The following SRGAP3 variants were observed in gnomAD, a reference collection of about 807,000 sequenced individuals.
The protein encoded by SRGAP3 is SLIT-ROBO Rho GTPase-activating protein 3.
A neutral mutation model predicts 121.1 loss-of-function variants in SRGAP3; 39 were observed. The ratio of observed to expected loss-of-function variants is 0.32; its 90% CI spans 0.25 to 0.42. SRGAP3 has a LOEUF of 0.42. Ranked by LOEUF, SRGAP3 falls within the 10% of genes least tolerant of loss-of-function variation. The pLI, the probability that SRGAP3 is intolerant of heterozygous loss-of-function variation, is 1.00. For synonymous variants in SRGAP3, 601 were observed against 570.0 expected, an observed-to-expected ratio of 1.05 and a Z score of -0.77; for missense variants, 1,213 against 1,470.6, an observed-to-expected ratio of 0.82 and a Z score of 2.86.
At chr3:9,272,092 C>T (rs887490705) in intron 3 of SRGAP3, among the ~76,000 whole-genome samples, 1 of 152,228 alleles carries the variant, frequency 6.6e-6, no homozygotes, top group African/African-American at 2.4e-5. Context: ...TCCACTACAA[C>T]CTGCCTTTAC....
intron 3 of SRGAP3, among the ~76,000 whole-genome samples, chr3:9,308,462 A>G (rs1955193214): frequency 6.6e-6 from 1 of 152,232 alleles, no homozygotes; most frequent in African/African-American, 2.4e-5. Context: ...ACTGCAGTTC[A>G]GAGAAGAGGG....
chr3:9,014,115 G>C (rs1380776433), intron 15 of SRGAP3: 2 of 494,740 alleles, frequency 4.0e-6, no homozygotes, highest in Non-Finnish European at 7.4e-6. Flanking sequence ...TGCCCTCTTG[G>C]ACCTGGGTAG....
chr3:9,093,590 C>T (rs1399214505), intron 3 of SRGAP3, among the ~76,000 whole-genome samples: 1 of 152,128 alleles, frequency 6.6e-6, no homozygotes, highest in East Asian at 1.9e-4. Flanking sequence ...TCCATCAACC[C>T]ACTCATCCAT....
intron 18 of SRGAP3, among the ~76,000 whole-genome samples, chr3:9,003,498 A>ACAAACAAG (rs1437358814): frequency 6.6e-6 from 1 of 151,754 alleles, no homozygotes; most frequent in Non-Finnish European, 1.5e-5. Flanking sequence ...AAACAAACAA[A>ACAAACAAG]CAAACAAAAA....
At chr3:9,204,960 T>C (rs55764079) in intron 1 of SRGAP3, among the ~76,000 whole-genome samples, 1,593 of 152,356 alleles carry the variant, frequency 0.01, 22 homozygotes, top group Middle Eastern at 0.014. Context: ...TCTTGGCTTG[T>C]TTAAGCTTCC....
rs1038482508 is a variant in SRGAP3 at position 8,985,499 on chromosome 3, G to A, written c.*20C>T. The A allele has an allele frequency of 9.4e-6, 15 of 1,598,032 alleles. No individual in the cohort carries two copies. Among genetic ancestry groups the A allele is most frequent in the South Asian group, 2.2e-5 (2 of 90,956 alleles). Reference sequence around the variant, plus strand: ...GTGGTGAGCCACAGCGGGCCACGGCGGCGCGGCCCATCCTGCAGGTCACAT... The same window carrying A: ...GTGGTGAGCCACAGCGGGCCACGGCAGCGCGGCCCATCCTGCAGGTCACAT... On this transcript the variant is annotated 3_prime_UTR_variant, in exon 22 of 22. Transcript: ENST00000383836. The surrounding 1 kb of genome is among the most constrained non-coding windows in gnomAD (Gnocchi z 5.1).
At chr3:9,328,312 G>A (rs1955551091) in intron 2 of SRGAP3, among the ~76,000 whole-genome samples, 1 of 152,156 alleles carries the variant, frequency 6.6e-6, no homozygotes, top group African/African-American at 2.4e-5. Flanking sequence ...GATTACTACA[G>A]TAGTTGTACG....
intron 1 of SRGAP3, among the ~76,000 whole-genome samples, chr3:9,225,401 C>T (rs1052568611): frequency 1.3e-5 from 2 of 152,180 alleles, no homozygotes; most frequent in African/African-American, 4.8e-5. Flanking sequence ...TCCTGAACAG[C>T]TCCAGAACAG....
chr3:9,151,630 A>C (rs1298233449), intron 1 of SRGAP3, among the ~76,000 whole-genome samples: 1 of 152,248 alleles, frequency 6.6e-6, no homozygotes, highest in Non-Finnish European at 1.5e-5. Context: ...CAACTGGATA[A>C]CTGGCTGGAT....
At position 9,102,446 on chromosome 3, in the gene SRGAP3, C is replaced by G. The variant is rs148115090; in HGVS notation, c.423+2234G>C. Reference sequence around the variant, plus strand: ...GGGTTCTCCTTGCAGCCTCCCAACGCTTTACTTCCTCACCTGTAAAATGAG... The same window carrying G: ...GGGTTCTCCTTGCAGCCTCCCAACGGTTTACTTCCTCACCTGTAAAATGAG... On this transcript the variant is annotated intron_variant, in intron 3 of 21. Coordinates refer to ENST00000383836, the MANE Select transcript of SRGAP3 (RefSeq NM_014850.4). Among the ~76,000 whole-genome samples the G allele has an allele frequency of 3.2e-3, 493 of 152,342 alleles. 3 individuals are homozygous for G. Among genetic ancestry groups the G allele is most frequent in the Non-Finnish European group, 6.0e-3 (406 of 68,038 alleles).
chr3:9,263,648 T>C (rs1049108330), intron 3 of SRGAP3, among the ~76,000 whole-genome samples: 3 of 152,088 alleles, frequency 2.0e-5, no homozygotes, highest in African/African-American at 7.2e-5. Context: ...CCTGGACACA[T>C]ACACCCTCCC....
chr3:9,046,839 T>TTC (rs1945303728), intron 10 of SRGAP3, among the ~76,000 whole-genome samples: 2 of 151,612 alleles, frequency 1.3e-5, no homozygotes, highest in Admixed American at 6.6e-5. Flanking sequence ...TTCTTTTCTT[T>TTC]TTTTTTTTGG....
In SRGAP3 at chr3:9,080,711, G is replaced by A. The variant is rs117530824; in HGVS notation, c.424-624C>T. On this transcript the variant is annotated intron_variant, in intron 3 of 21. Coordinates refer to ENST00000383836, the MANE Select transcript of SRGAP3 (RefSeq NM_014850.4). ...TCTGAGCTCCTGTCAGATCAGTGGT[G>A]GCATTAGATTCTCATACGTCCTCGA... Among the ~76,000 whole-genome samples the A allele has an allele frequency of 1.7e-3, 255 of 152,162 alleles. 4 individuals carry two copies. In the East Asian group the frequency reaches 0.041, roughly 25 times the overall value.
intron 18 of SRGAP3, among the ~76,000 whole-genome samples, chr3:9,008,881 T>C (rs920856991): frequency 6.6e-6 from 1 of 152,102 alleles, no homozygotes; most frequent in African/African-American, 2.4e-5. Context: ...CTTGGAACCA[T>C]TATAGAAAGG....
At chr3:9,302,369 C>G (rs987297799) in intron 3 of SRGAP3, among the ~76,000 whole-genome samples, 9 of 152,304 alleles carry the variant, frequency 5.9e-5, no homozygotes, top group African/African-American at 1.7e-4. Flanking sequence ...CCCAAACACT[C>G]GCTCTACTCC....
intron 1 of SRGAP3, among the ~76,000 whole-genome samples, chr3:9,336,070 C>T (rs549880949): frequency 6.6e-6 from 1 of 152,168 alleles, no homozygotes; most frequent in African/African-American, 2.4e-5. Context: ...TCATTTGTAA[C>T]GGAGGCTTCC....
At chr3:9,301,298 C>A (rs948464605) in intron 3 of SRGAP3, among the ~76,000 whole-genome samples, 1 of 152,210 alleles carries the variant, frequency 6.6e-6, no homozygotes, top group African/African-American at 2.4e-5. Context: ...TGCATTACAT[C>A]CGGGATGGCC....
At chr3:9,346,227 T>C (rs1015511094) in intron 1 of SRGAP3, among the ~76,000 whole-genome samples, 4 of 151,964 alleles carry the variant, frequency 2.6e-5, no homozygotes, top group Non-Finnish European at 4.4e-5. Flanking sequence ...ATGTTGTTTT[T>C]CTATCTTTAA....
intron 1 of SRGAP3, among the ~76,000 whole-genome samples, chr3:9,245,020 G>C (rs929016783): frequency 6.6e-6 from 1 of 152,210 alleles, no homozygotes; most frequent in Non-Finnish European, 1.5e-5. Context: ...GGAGGTGATA[G>C]TTGTTTTCTG....
Sources: gnomAD v4.1 joint callset for allele counts (sites outside exome capture counted in the v4.1 genomes callset) on GRCh38, gnomAD v4.1.1 for gene constraint, Gnocchi (gnomAD v3.1) non-coding constraint, MANE v1.5 for transcripts, NCBI Gene and HGNC (gene_info 2026-07-23, HGNC 2026-07-21) for gene names.